The following DGKI variants were observed in gnomAD, a reference collection of about 807,000 sequenced individuals.
DGKI encodes DAG kinase iota.
In DGKI, 55 loss-of-function variants were observed where a neutral mutation model predicts 147.5. The observed-to-expected ratio is 0.37, with a 90% CI of 0.30 to 0.47. The LOEUF is 0.47. DGKI is among the 20% of genes least tolerant of loss of function. The pLI is 1.00. For synonymous variants in DGKI, 469 were observed against 477.1 expected, an observed-to-expected ratio of 0.98 and a Z score of 0.22; for missense variants, 1,007 against 1,323.8, an observed-to-expected ratio of 0.76 and a Z score of 3.71.
intron 27 of DGKI, among the ~76,000 whole-genome samples, chr7:137,451,823 CTTTCTT>C (rs1813972990): frequency 6.6e-6 from 1 of 151,808 alleles, no homozygotes. Context: ...GTCCAGTTTT[CTTTCTT>C]TTTATTTTTT....
intron 7 of DGKI, among the ~76,000 whole-genome samples, chr7:137,620,236 G>T (rs187029455): frequency 1.3e-5 from 2 of 152,288 alleles, no homozygotes; most frequent in East Asian, 3.9e-4. Flanking sequence ...CTAGCAGGAT[G>T]AAGCCTGCTA....
intron 27 of DGKI, among the ~76,000 whole-genome samples, chr7:137,456,407 T>G (rs1377185490): frequency 6.6e-6 from 1 of 152,220 alleles, no homozygotes; most frequent in Non-Finnish European, 1.5e-5. Context: ...TATTTTGGTT[T>G]GACAAAGCAC....
rs1207914496 is a variant in DGKI, at chr7:137,487,594, G to A, written c.2328+16C>T. The A allele has an allele frequency of 1.2e-6, 2 of 1,608,624 alleles. No individual in the cohort carries two copies. The highest frequency in any genetic ancestry group is 2.2e-5 in the East Asian group (1 of 44,848). On this transcript the variant is annotated intron_variant, in intron 22 of 32. Coordinates refer to ENST00000614521, the MANE Select transcript of DGKI (RefSeq NM_001321708.2). ...GGAAAGTTGAGGAGAATAAAAAATT[G>A]GCTAAATAAACTCACCTCCTGTAGG...
chr7:137,417,867 C>A (rs1812416951), intron 28 of DGKI, among the ~76,000 whole-genome samples: 1 of 152,220 alleles, frequency 6.6e-6, no homozygotes, highest in Admixed American at 6.5e-5. Context: ...GCAGCAAGAG[C>A]TTTCCATCTT....
At chr7:137,608,245 AAAT>A (rs1285880003) in intron 10 of DGKI, among the ~76,000 whole-genome samples, 7 of 152,214 alleles carry the variant, frequency 4.6e-5, no homozygotes, top group Admixed American at 4.6e-4. Context: ...ACTCAGAAGA[AAAT>A]AACAGAAAAT....
At chr7:137,498,215 T>A (rs1816042734) in intron 21 of DGKI, among the ~76,000 whole-genome samples, 1 of 151,582 alleles carries the variant, frequency 6.6e-6, no homozygotes, top group Non-Finnish European at 1.5e-5. Flanking sequence ...AAAGATAAAG[T>A]TGAGAAAATC....
At chr7:137,613,211 T>A (rs1352547313) in intron 8 of DGKI, among the ~76,000 whole-genome samples, 1 of 152,084 alleles carries the variant, frequency 6.6e-6, no homozygotes, top group African/African-American at 2.4e-5. Context: ...CTCTTCTTTG[T>A]CATCCCAAAT....
In DGKI at chr7:137,708,359, C is replaced by T. The variant is rs569657380; in HGVS notation, c.402-18357G>A. Among the ~76,000 whole-genome samples the T allele has an allele frequency of 1.1e-4, 16 of 152,268 alleles. No individual in the cohort carries two copies. The South Asian group carries it at 1.5e-3, about 14-fold the overall frequency. ...AAAGCAATATCTTCTCTCCCATTCT[C>T]GCTTTATATTAATTTACAGGAGTGG... On this transcript the variant is annotated intron_variant, in intron 1 of 32. Transcript: ENST00000614521.
chr7:137,747,458 A>G (rs1795372476), intron 1 of DGKI, among the ~76,000 whole-genome samples: 1 of 152,138 alleles, frequency 6.6e-6, no homozygotes, highest in Admixed American at 6.5e-5. Context: ...ATAGGGCATA[A>G]TCCGTAAATG....
intron 21 of DGKI, among the ~76,000 whole-genome samples, chr7:137,492,660 G>T (rs979984071): frequency 1.3e-5 from 2 of 152,148 alleles, no homozygotes; most frequent in African/African-American, 4.8e-5. Flanking sequence ...GGAGCCCAGA[G>T]GGTTTGGTGC....
chr7:137,770,603 G>A (rs1368681461), intron 1 of DGKI, among the ~76,000 whole-genome samples: 5 of 100,448 alleles, frequency 5.0e-5, no homozygotes, highest in Admixed American at 8.3e-5. Flanking sequence ...GCGGGATCTC[G>A]GCTCACTGCA....
chr7:137,410,051 A>G (rs1001794167), intron 29 of DGKI, among the ~76,000 whole-genome samples: 2 of 152,190 alleles, frequency 1.3e-5, no homozygotes, highest in Non-Finnish European at 2.9e-5. Context: ...AAATAAGAAA[A>G]TATGTAAGAG....
chr7:137,813,586 A>G (rs1469438497), intron 1 of DGKI, among the ~76,000 whole-genome samples: 1 of 152,144 alleles, frequency 6.6e-6, no homozygotes, highest in Non-Finnish European at 1.5e-5. Context: ...AAAGAAACTG[A>G]TGTCAACTCC....
At chr7:137,484,416 C>G (rs1234888012) in intron 23 of DGKI, among the ~76,000 whole-genome samples, 3 of 152,064 alleles carry the variant, frequency 2.0e-5, no homozygotes, top group Non-Finnish European at 4.4e-5. Flanking sequence ...TTATATTCCT[C>G]CCCACATGGA....
intron 27 of DGKI, among the ~76,000 whole-genome samples, chr7:137,462,660 G>C (rs1370093251): frequency 6.6e-6 from 1 of 152,134 alleles, no homozygotes; most frequent in Non-Finnish European, 1.5e-5. Context: ...TCTGTCAAAA[G>C]ACTAAGACTG....
chr7:137,484,506 G>A (rs774669587), intron 23 of DGKI, among the ~76,000 whole-genome samples: 1 of 152,040 alleles, frequency 6.6e-6, no homozygotes, highest in Non-Finnish European at 1.5e-5. Context: ...CTCTTAACAG[G>A]GCAGGGTAAG....
chr7:137,716,608 A>T (rs952103932), intron 1 of DGKI, among the ~76,000 whole-genome samples: 1 of 152,230 alleles, frequency 6.6e-6, no homozygotes. Flanking sequence ...TGCTGAACAC[A>T]TGCAGGGTGT....
chr7:137,410,722 C>T (rs903932603), intron 29 of DGKI, among the ~76,000 whole-genome samples: 5 of 152,144 alleles, frequency 3.3e-5, no homozygotes, highest in Non-Finnish European at 5.9e-5. Flanking sequence ...CAGTGCTTTG[C>T]AAAATTTTCT....
chr7:137,437,144 GT>G (rs1813316956), intron 28 of DGKI, among the ~76,000 whole-genome samples: 1 of 152,144 alleles, frequency 6.6e-6, no homozygotes, highest in African/African-American at 2.4e-5. Context: ...TGCACTGAAG[GT>G]TTTAACCAGT....
Sources: gnomAD v4.1 joint callset for allele counts (sites outside exome capture counted in the v4.1 genomes callset) on GRCh38, gnomAD v4.1.1 for gene constraint, MANE v1.5 for transcripts, NCBI Gene and HGNC (gene_info 2026-07-23, HGNC 2026-07-21) for gene names.